The following WNK3 variants were observed in gnomAD, a reference collection of about 807,000 sequenced individuals.
WNK3 encodes serine/threonine-protein kinase WNK3.
In WNK3, 18 loss-of-function variants were observed where a neutral mutation model predicts 116.7. The ratio of observed to expected loss-of-function variants is 0.15; its 90% CI spans 0.11 to 0.23. The LOEUF is 0.23. WNK3 is among the 10% of genes least tolerant of loss of function. The pLI is 1.00. For synonymous variants in WNK3, 404 were observed against 469.4 expected (o/e 0.86, Z 1.80); for missense variants, 993 against 1,323.8 (o/e 0.75, Z 3.88).
chrX:54,201,710 C>A (rs1242412680), intron 23 of WNK3, among the ~76,000 whole-genome samples: 1 of 112,088 alleles, frequency 8.9e-6, no homozygotes, highest in African/African-American at 3.2e-5. Context: ...TACATATTCT[C>A]TATGGCTGCT....
intron 2 of WNK3, among the ~76,000 whole-genome samples, chrX:54,312,947 T>C (rs962025488): frequency 1.8e-5 from 2 of 111,652 alleles, no homozygotes; most frequent in African/African-American, 6.5e-5. Context: ...ATTCCTTTAG[T>C]TATTGTTCAT....
chrX:54,196,309 A>G (rs781904830), exon 24 of WNK3: 1 of 111,397 alleles, frequency 9.0e-6, no homozygotes, highest in Admixed American at 9.6e-5. Flanking sequence ...GATCTTATCA[A>G]CAGCAATTCT....
At chrX:54,355,832 T>C (rs193296113) in intron 1 of WNK3, among the ~76,000 whole-genome samples, 1 of 111,835 alleles carries the variant, frequency 8.9e-6, no homozygotes, top group East Asian at 2.8e-4. Context: ...GGAGGCCGCC[T>C]TGCCTGGTTG....
chrX:54,338,713 A>G (rs999632013), intron 1 of WNK3, among the ~76,000 whole-genome samples: 1 of 110,853 alleles, frequency 9.0e-6, no homozygotes, highest in African/African-American at 3.3e-5. Flanking sequence ...GATAAGAAGC[A>G]AATAAGACCT....
chrX:54,256,168 T>C (rs1212540737), intron 11 of WNK3, among the ~76,000 whole-genome samples: 1 of 111,780 alleles, frequency 8.9e-6, no homozygotes, highest in African/African-American at 3.2e-5. Context: ...TAGCAAACCA[T>C]CTCACAGTGA....
chrX:54,203,839 C>T lies in WNK3; in HGVS notation c.4871-1646G>A, dbSNP rs184254503. Among the ~76,000 whole-genome samples the T allele has an allele frequency of 1.6e-3, 178 of 109,740 alleles. 2 individuals carry two copies. Among genetic ancestry groups the T allele is most frequent in the African/African-American group, 5.7e-3 (171 of 30,167 alleles). Reference sequence around the variant, plus strand: ...GTGTGCGCCTGTAATCCCAGCTACTCGGAAGGTTGAGGCAAGAGAATCGCT... The same window carrying T: ...GTGTGCGCCTGTAATCCCAGCTACTTGGAAGGTTGAGGCAAGAGAATCGCT... On this transcript the variant is annotated intron_variant, in intron 22 of 23. Transcript: ENST00000354646.
chrX:54,217,309 C>T (rs781880796), intron 22 of WNK3, among the ~76,000 whole-genome samples: 48 of 72,292 alleles, frequency 6.6e-4, no homozygotes, highest in African/African-American at 2.8e-3. Context: ...CAGAGCAAGA[C>T]TCCATCAAAA....
intron 13 of WNK3, among the ~76,000 whole-genome samples, chrX:54,253,700 T>C (rs1473013469): frequency 8.9e-6 from 1 of 112,297 alleles, no homozygotes; most frequent in East Asian, 2.8e-4. Flanking sequence ...TGTCAGGTGA[T>C]TTTCACATGC....
intron 20 of WNK3, among the ~76,000 whole-genome samples, chrX:54,236,112 C>A (rs185117606): frequency 5.3e-4 from 58 of 110,474 alleles, no homozygotes; most frequent in African/African-American, 1.8e-3. Flanking sequence ...ATATGAATTT[C>A]TTTTCTTTTT....
At chrX:54,273,001 T>A (rs781830201) in intron 10 of WNK3, among the ~76,000 whole-genome samples, 1 of 111,847 alleles carries the variant, frequency 8.9e-6, no homozygotes, top group Non-Finnish European at 1.9e-5. Flanking sequence ...TGAAAACAAG[T>A]AATACATAAC....
chrX:54,199,697 G>A (rs568403225), intron 23 of WNK3, among the ~76,000 whole-genome samples: 1 of 111,334 alleles, frequency 9.0e-6, no homozygotes, highest in Non-Finnish European at 1.9e-5. Context: ...AGCCAGGTAT[G>A]GTCGCGAGCG....
At chrX:54,287,148 T>C (rs2068590255) in intron 10 of WNK3, among the ~76,000 whole-genome samples, 1 of 111,390 alleles carries the variant, frequency 9.0e-6, no homozygotes, top group Admixed American at 9.6e-5. Flanking sequence ...ATGGGATTCC[T>C]AGGGTTGGTG....
At chrX:54,211,532 G>A (rs2067613253) in intron 22 of WNK3, among the ~76,000 whole-genome samples, 1 of 109,917 alleles carries the variant, frequency 9.1e-6, no homozygotes, top group Admixed American at 9.8e-5. Flanking sequence ...GAGATAATGA[G>A]TGGTGGCACA....
intron 16 of WNK3, 89 bp from the exon 17 acceptor site, chrX:54,249,723 A>G (rs782149226): frequency 2.3e-6 from 2 of 887,275 alleles, no homozygotes; most frequent in East Asian, 6.2e-5. Context: ...AGGAGGACAA[A>G]GGGGCAAATG....
At chrX:54,291,316 AAAAAC>A (rs1316032857) in intron 10 of WNK3, among the ~76,000 whole-genome samples, 2 of 111,889 alleles carry the variant, frequency 1.8e-5, no homozygotes, top group Admixed American at 1.9e-4. Context: ...CCATCTCAAA[AAAAAC>A]AAAACAAAAC....
intron 21 of WNK3, 83 bp from the exon 22 acceptor site, chrX:54,228,826 T>C (rs973799060): frequency 4.2e-5 from 18 of 426,429 alleles, no homozygotes; most frequent in Non-Finnish European, 7.1e-5. Context: ...AACATACTTA[T>C]TGAACTTAAA....
At chrX:54,213,550 T>A (rs1557144248) in intron 22 of WNK3, among the ~76,000 whole-genome samples, 1 of 56,866 alleles carries the variant, frequency 1.8e-5, no homozygotes, top group African/African-American at 1.9e-4. Context: ...TGAGACTCCG[T>A]CTCAAAAAAA....
At chrX:54,259,160 C>A in intron 11 of WNK3, 114 bp downstream of exon 11, 1 of 306,428 alleles carries the variant, frequency 3.3e-6, no homozygotes. Flanking sequence ...TAAACATCCA[C>A]ACAAGTACAA....
intron 7 of WNK3, among the ~76,000 whole-genome samples, chrX:54,297,877 G>T (rs782147486): frequency 9.0e-6 from 1 of 110,879 alleles, no homozygotes; most frequent in African/African-American, 3.3e-5. Context: ...TTCAAGACCA[G>T]CCTGACTAAC....
Sources: allele counts gnomAD v4.1 joint callset (sites outside exome capture counted in the v4.1 genomes callset), GRCh38; gene constraint gnomAD v4.1.1; transcripts MANE v1.5; gene names NCBI Gene and HGNC (gene_info 2026-07-23, HGNC 2026-07-21).